The following NOTCH3 variants were observed in gnomAD, a reference collection of about 807,000 sequenced individuals.
NOTCH3 encodes the protein neurogenic locus notch homolog protein 3.
Under a neutral mutation model 213.3 loss-of-function variants are expected in NOTCH3, and 86 were observed. That is an observed-to-expected ratio of 0.40 (90% CI 0.34 to 0.48). NOTCH3 has a LOEUF of 0.48. Ranked by LOEUF, NOTCH3 falls within the 20% of genes least tolerant of loss-of-function variation. The pLI is 0.57. For synonymous variants in NOTCH3, 1,354 were observed against 1,355.9 expected, an observed-to-expected ratio of 1.00 and a Z score of 0.03; for missense variants, 2,783 against 3,272.6, an observed-to-expected ratio of 0.85 and a Z score of 3.65.
chr19:15,180,790 G>A lies in NOTCH3; in HGVS notation c.3033C>T (p.Asn1011=), dbSNP rs1275436472. 17 of 1,610,716 alleles carry A rather than the reference G, an allele frequency of 1.1e-5. No individual in the cohort carries two copies. The highest frequency in any genetic ancestry group is 1.3e-5 in the Non-Finnish European group (15 of 1,178,916). ...CCCCAGTCTGGACGCAGCGACCCCC[G>A]TTTTGACAAGGCTGGCGGCTGCACC... ...VDWCSRQPCQ[N]GGRCVQTGAY... Residue 1011 remains asparagine (N), a synonymous_variant, in exon 19 of 33, where the codon AAC becomes AAT. Coordinates refer to ENST00000263388, the MANE Select transcript of NOTCH3 (RefSeq NM_000435.3).
Position 15,167,238 on chromosome 19 carries a change from C to A in NOTCH3, c.5362+11G>T, listed in dbSNP as rs781528851. The stretch of plus-strand genomic sequence containing the variant: ...GAGGGGCATCCCTTTGGGAGGGGCA[C>A]TGTCACTAACCTGGGCCACGCACAT... On this transcript the variant is annotated intron_variant, in intron 29 of 32. Coordinates refer to ENST00000263388, the MANE Select transcript of NOTCH3 (RefSeq NM_000435.3). 9.3e-6 allele frequency: 15 copies of A among 1,607,498 alleles called. No individual in the cohort carries two copies. The African/African-American group carries it at 1.9e-4, about 20-fold the overall frequency.
At chr19:15,162,830 T>C (rs920749382) in intron 31 of NOTCH3, among the ~76,000 whole-genome samples, 2 of 152,102 alleles carry the variant, frequency 1.3e-5, no homozygotes, top group Non-Finnish European at 2.9e-5. Flanking sequence ...CAGGGGGTGC[T>C]GTGTGGACCT....
At chr19:15,184,507 G>GGGA in intron 15 of NOTCH3, 57 bp from the exon 16 acceptor site, 2 of 1,562,612 alleles carry the variant, frequency 1.3e-6, no homozygotes, top group African/African-American at 2.7e-5. Context: ...CAGGGTCTCA[G>GGGA]GGACCTGGGG....
At chr19:15,183,750 C>A (rs56952830) in intron 16 of NOTCH3, among the ~76,000 whole-genome samples, 2 of 152,010 alleles carry the variant, frequency 1.3e-5, no homozygotes, top group African/African-American at 4.8e-5. Context: ...CTCGATTGCT[C>A]TCAAAGACAG....
intron 24 of NOTCH3, among the ~76,000 whole-genome samples, chr19:15,177,013 A>G (rs1412356129): frequency 6.8e-6 from 1 of 147,336 alleles, no homozygotes; most frequent in African/African-American, 2.5e-5. Flanking sequence ...CGGAGGTTGC[A>G]GTGAGCCAAG....
At chr19:15,177,399 A>T (rs1202534844) in intron 24 of NOTCH3, 126 bp downstream of exon 24, 13 of 811,984 alleles carry the variant, frequency 1.6e-5, no homozygotes, top group Non-Finnish European at 2.3e-5. Flanking sequence ...ACCGATGGGC[A>T]GATAGAGTGC....
At position 15,161,031 on chromosome 19, in the gene NOTCH3, C is replaced by T. The variant is rs778851827; in HGVS notation, c.6597G>A (p.Gly2199=). ...GCCGCTCCTGCGGGGAGACGGGGGT[C>T]CCTGGGTTGAGCAGCTGGGGTCCCG... The part of the protein sequence containing the change: ...LAPGPQLLNP[G]TPVSPQERPP... The change falls in exon 33 of 33, where the codon GGG becomes GGA. Residue 2199 remains glycine (G), a synonymous_variant. Transcript: ENST00000263388. The T allele has an allele frequency of 1.4e-5, 22 of 1,538,880 alleles. No individual in the cohort carries two copies. The highest frequency in any genetic ancestry group is 9.6e-5 in the South Asian group (8 of 83,282).
rs1241968100 is a variant in NOTCH3, at chr19:15,185,763, C to T, written c.1952-84G>A. The T allele has an allele frequency of 1.5e-6, 2 of 1,318,062 alleles. No homozygotes were observed. The highest frequency in any genetic ancestry group is 2.2e-6 in the Non-Finnish European group (2 of 927,028). 81.6% of individuals were successfully genotyped at this position (1,318,062 alleles called of 1,614,324 possible). On this transcript the variant is annotated intron_variant, in intron 12 of 32. Transcript: ENST00000263388. This position sits in a 1 kb window ranked among gnomAD's most constrained non-coding sequence, Gnocchi z 4.2. ...GGACGACGTGACCCCACTTAGCACA[C>T]CCACACCCCCGAGCAATGACCTCTT... is the stretch of plus-strand genomic sequence containing the variant.
At position 15,165,171 on chromosome 19, in the gene NOTCH3, C is replaced by T. The variant is rs2046675291; in HGVS notation, c.5815+197G>A. 6.6e-6 allele frequency among the ~76,000 whole-genome samples: 1 copy of T among 152,154 alleles called. No individual in the cohort carries two copies. The highest frequency in any genetic ancestry group is 2.4e-5 in the African/African-American group (1 of 41,428). On this transcript the variant is annotated intron_variant, in intron 31 of 32. Transcript: ENST00000263388. This position sits in a 1 kb window ranked among gnomAD's most constrained non-coding sequence, Gnocchi z 4.7. ...GGAAATGAAGTATCTAGGGGAAAGGCACCTTTTTCTAAATCCCTGAGGCAC... is the reference window on the plus strand; with the variant it reads ...GGAAATGAAGTATCTAGGGGAAAGGTACCTTTTTCTAAATCCCTGAGGCAC...
intron 24 of NOTCH3, among the ~76,000 whole-genome samples, chr19:15,175,211 A>G (rs1259865870): frequency 6.6e-6 from 1 of 152,082 alleles, no homozygotes; most frequent in Non-Finnish European, 1.5e-5. Context: ...TGAGCCAAAT[A>G]TACAGCATCT....
chr19:15,180,635 G>A (rs2145421248), intron 19 of NOTCH3, 46 bp downstream of exon 19: 2 of 1,538,778 alleles, frequency 1.3e-6, no homozygotes, highest in Non-Finnish European at 1.7e-6. Flanking sequence ...ACGTGCATGA[G>A]CCCCTTCCCA....
At position 15,180,226 on chromosome 19, in the gene NOTCH3, C is replaced by A. The variant is rs763038502; in HGVS notation, c.3173G>T (p.Gly1058Val). Residue 1058 changes from glycine (G) to valine (V), a missense_variant, in exon 20 of 33, where the codon GGT becomes GTT. By Grantham distance (109) the Gly-to-Val change is moderately radical. Around this residue, in one of 6 missense-constraint regions of NOTCH3, gnomAD observed 861 missense variants for 909.1 expected, o/e 0.95. Transcript: ENST00000263388. ...GVRLEQLCQA[G>V]GQCVDEDSSH... ...GCTGTCTTCATCCACACACTGCCCA[C>A]CCGCCTGACACAGCTGCTCCAGCCG... 6.2e-6 allele frequency: 10 copies of A among 1,613,814 alleles called. No homozygotes were observed. In the South Asian group the frequency reaches 1.1e-4, roughly 18 times the overall value.
intron 23 of NOTCH3, 29 bp from the exon 24 acceptor site, chr19:15,178,119 T>C: frequency 7.0e-7 from 1 of 1,425,958 alleles, no homozygotes; most frequent in Non-Finnish European, 9.4e-7. Flanking sequence ...GAGGGAGGGA[T>C]AAAAATGAGG....
chr19:15,196,795 G>A (rs946647416), intron 2 of NOTCH3, among the ~76,000 whole-genome samples: 2 of 152,080 alleles, frequency 1.3e-5, no homozygotes, highest in African/African-American at 4.8e-5. Context: ...AAAAACTGAG[G>A]CTCAAAAAGC....
rs2046878421 is a variant in NOTCH3 at position 15,185,963 on chromosome 19, G to A, written c.1952-284C>T. Among the ~76,000 whole-genome samples the A allele has an allele frequency of 6.6e-6, 1 of 152,074 alleles. No homozygotes were observed. Among genetic ancestry groups the A allele is most frequent in the Non-Finnish European group, 1.5e-5 (1 of 67,998 alleles). ...ACTCTGTCGCCCGGGCTGGACTGCA[G>A]TGGCATGATCATAGCTCACCACAGC... is the stretch of plus-strand genomic sequence containing the variant. On this transcript the variant is annotated intron_variant, in intron 12 of 32. Transcript: ENST00000263388. The surrounding 1 kb of genome is among the most constrained non-coding windows in gnomAD (Gnocchi z 4.2).
Position 15,168,940 on chromosome 19 carries a change from G to T in NOTCH3, c.5199+1146C>A, listed in dbSNP as rs188270328. Among the ~76,000 whole-genome samples the T allele has an allele frequency of 3.3e-5, 5 of 152,102 alleles. No individual in the cohort carries two copies. In the East Asian group the frequency reaches 9.7e-4, roughly 30 times the overall value. On this transcript the variant is annotated intron_variant, in intron 28 of 32. Transcript: ENST00000263388. ...AGATAGGACTTTATTTTTAGACAGG[G>T]TCTTGCTCTGTTACCCAGGCTGGAG...
Position 15,185,355 on chromosome 19 carries a change from A to G in NOTCH3, c.2198T>C (p.Leu733Pro). 6.2e-7 allele frequency: 1 copy of G among 1,612,654 alleles called. No individual in the cohort carries two copies. Among genetic ancestry groups the G allele is most frequent in the Non-Finnish European group, 8.5e-7 (1 of 1,179,816 alleles). ...GWSGPRCSQS[L>P]ARDACESQPC... ...CTGGGACTCACAGGCGTCTCGGGCC[A>G]GGCTCTGGCTGCAGCGGGGGCCACT... Residue 733 changes from leucine (L) to proline (P), a missense_variant, in exon 14 of 33, where the codon CTG (leucine) becomes CCG (proline). Transcript: ENST00000263388. This position sits in a 1 kb window ranked among gnomAD's most constrained non-coding sequence, Gnocchi z 4.2.
chr19:15,185,813 C>A lies in NOTCH3; in HGVS notation c.1952-134G>T. 1.2e-6 allele frequency: 1 copy of A among 835,994 alleles called. No individual in the cohort carries two copies. Among genetic ancestry groups the A allele is most frequent in the South Asian group, 1.4e-5 (1 of 69,438 alleles). 51.8% of individuals were successfully genotyped at this position (835,994 alleles called of 1,614,324 possible). On this transcript the variant is annotated intron_variant, in intron 12 of 32. Transcript: ENST00000263388. This position sits in a 1 kb window ranked among gnomAD's most constrained non-coding sequence, Gnocchi z 4.2. ...TTTTCATAACGCATCAGCTCTTGTG[C>A]AGATTAGGACACCCGCCTCCTCAAC...
Position 15,177,689 on chromosome 19 carries a change from G to T in NOTCH3, c.4239C>A (p.Asp1413Glu). The T allele has an allele frequency of 6.5e-7, 1 of 1,540,670 alleles. No homozygotes were observed. The highest frequency in any genetic ancestry group is 1.2e-5 in the South Asian group (1 of 84,560). The change falls in exon 24 of 33, where the codon GAC becomes GAA. Residue 1413 changes from aspartate to glutamate, a missense_variant. Transcript: ENST00000263388. ...CCACGCTCAGCGAGCAGTCGCCGCC[G>T]TCCCAGCCGCAGCCTGGGCTGTTGC... is the stretch of plus-strand genomic sequence containing the variant. ...RECNSPGCGW[D>E]GGDCSLSVGD...
Sources: gnomAD v4.1 joint callset for allele counts (sites outside exome capture counted in the v4.1 genomes callset) on GRCh38, gnomAD v4.1.1 for gene constraint, gnomAD v4.1.1 regional missense constraint, Gnocchi (gnomAD v3.1) non-coding constraint, MANE v1.5 for transcripts, NCBI Gene and HGNC (gene_info 2026-07-23, HGNC 2026-07-21) for gene names.